WDPCP: variants seen among roughly 807,000 people sequenced by gnomAD.
WDPCP encodes the protein WD repeat-containing and planar cell polarity effector protein fritz homolog.
Under a neutral mutation model 93.1 loss-of-function variants are expected in WDPCP, and 71 were observed. The ratio of observed to expected loss-of-function variants is 0.76; its 90% confidence interval spans 0.63 to 0.93. The LOEUF (loss-of-function observed/expected upper bound fraction) is 0.93. WDPCP is among the 40% of genes least tolerant of loss of function. The probability of loss-of-function intolerance (pLI) is 0.00; values close to 1 mark genes in which losing one functional copy is unlikely to be tolerated. For synonymous variants in WDPCP, 315 were observed against 315.0 expected, an observed-to-expected ratio of 1.00 and a Z score of 0.00; for missense variants, 844 against 887.4, an observed-to-expected ratio of 0.95 and a Z score of 0.62.
At chr2:63,399,362 G>C (rs909138358) in intron 10 of WDPCP, among the ~76,000 whole-genome samples, 5 of 151,974 alleles carry the variant, frequency 3.3e-5, no homozygotes, top group Non-Finnish European at 7.4e-5. Context: ...TTACAAGCTG[G>C]CAATTAGCAG....
chr2:63,542,557 A>G (rs545673317), intron 1 of WDPCP, among the ~76,000 whole-genome samples: 16 of 152,386 alleles, frequency 1.0e-4, no homozygotes, highest in Admixed American at 9.8e-4. Flanking sequence ...TCCAACTATT[A>G]CAAAAATAGT....
intron 2 of WDPCP, among the ~76,000 whole-genome samples, chr2:63,760,714 G>A (rs1247132723): frequency 1.3e-5 from 2 of 152,150 alleles, no homozygotes; most frequent in Non-Finnish European, 2.9e-5. Context: ...GAAGGTCTAG[G>A]ACAAGAATCT....
chr2:63,329,889 G>A (rs1417282123), intron 12 of WDPCP, among the ~76,000 whole-genome samples: 1 of 152,010 alleles, frequency 6.6e-6, no homozygotes, highest in Non-Finnish European at 1.5e-5. Flanking sequence ...TGTCCTCTAG[G>A]TTCATTCACA....
chr2:63,545,178 G>A (rs1039725291), intron 1 of WDPCP, among the ~76,000 whole-genome samples: 2 of 152,056 alleles, frequency 1.3e-5, no homozygotes, highest in Non-Finnish European at 2.9e-5. Context: ...TCCCTGGCTG[G>A]TAAGTATACC....
chr2:63,472,459 C>G (rs1292113728), intron 6 of WDPCP, among the ~76,000 whole-genome samples: 1 of 151,764 alleles, frequency 6.6e-6, no homozygotes, highest in Admixed American at 6.6e-5. Context: ...ATTATCATGT[C>G]CCTTTGTCAT....
intron 2 of WDPCP, among the ~76,000 whole-genome samples, chr2:63,704,871 T>C (rs1216363820): frequency 1.3e-5 from 2 of 152,236 alleles, no homozygotes; most frequent in Non-Finnish European, 2.9e-5. Context: ...TCAGAAGGAA[T>C]GGTACCAGCT....
chr2:63,635,755 A>G (rs113752885), intron 3 of WDPCP, among the ~76,000 whole-genome samples: 1,998 of 152,342 alleles, frequency 0.013, 48 homozygotes, highest in African/African-American at 0.044. Context: ...TATCATTTCA[A>G]CGGTGAAAAT....
At chr2:63,318,421 T>C (rs1159184788) in intron 12 of WDPCP, among the ~76,000 whole-genome samples, 1 of 152,212 alleles carries the variant, frequency 6.6e-6, no homozygotes, top group Non-Finnish European at 1.5e-5. Flanking sequence ...ACTGAGTATA[T>C]ACCCAAAGGA....
chr2:63,563,563 G>A (rs914395366), intron 1 of WDPCP, among the ~76,000 whole-genome samples: 7 of 152,070 alleles, frequency 4.6e-5, no homozygotes, highest in African/African-American at 1.4e-4. Context: ...GAGAAATGGG[G>A]AATGACTACT....
intron 9 of WDPCP, among the ~76,000 whole-genome samples, chr2:63,429,480 TAAAC>T (rs1282229989): frequency 6.6e-6 from 1 of 151,936 alleles, no homozygotes; most frequent in Non-Finnish European, 1.5e-5. Flanking sequence ...ATAAGGAACA[TAAAC>T]AAATCAAGAA....
chr2:63,511,936 G>T (rs1246482584), intron 1 of WDPCP, among the ~76,000 whole-genome samples: 2 of 152,134 alleles, frequency 1.3e-5, no homozygotes, highest in African/African-American at 4.8e-5. Context: ...CATAGCAAAA[G>T]AAACTATCAT....
At chr2:63,225,342 A>G (rs1237023264) in intron 14 of WDPCP, among the ~76,000 whole-genome samples, 1 of 151,792 alleles carries the variant, frequency 6.6e-6, no homozygotes, top group African/African-American at 2.4e-5. Flanking sequence ...ATACAAATTA[A>G]GTAAAATGGT....
At chr2:63,205,233 T>C (rs1676249118) in intron 14 of WDPCP, among the ~76,000 whole-genome samples, 1 of 152,194 alleles carries the variant, frequency 6.6e-6, no homozygotes, top group Non-Finnish European at 1.5e-5. Context: ...CATGTTGTTT[T>C]GGTTACTATA....
chr2:63,302,716 T>C (rs1329359660), intron 13 of WDPCP, among the ~76,000 whole-genome samples: 1 of 152,240 alleles, frequency 6.6e-6, no homozygotes, highest in Non-Finnish European at 1.5e-5. Flanking sequence ...TGTCAAGCTG[T>C]AGACACTCTT....
chr2:63,791,531 C>G (rs1230895910), intron 2 of WDPCP, among the ~76,000 whole-genome samples: 1 of 152,124 alleles, frequency 6.6e-6, no homozygotes. Context: ...AACCCTAAAG[C>G]CATGGAAATG....
chr2:63,243,201 C>G (rs964490649), intron 14 of WDPCP, among the ~76,000 whole-genome samples: 2 of 152,054 alleles, frequency 1.3e-5, no homozygotes, highest in Non-Finnish European at 2.9e-5. Context: ...TATTGAATGG[C>G]CATCTCTATT....
chr2:63,594,259 A>G (rs754276628), intron 3 of WDPCP: 2 of 622,698 alleles, frequency 3.2e-6, no homozygotes, highest in Non-Finnish European at 6.1e-6. Flanking sequence ...GGTGGATAAG[A>G]TTATGTAAGT....
intron 3 of WDPCP, among the ~76,000 whole-genome samples, chr2:63,613,903 T>C (rs1389798129): frequency 6.6e-6 from 1 of 152,172 alleles, no homozygotes; most frequent in Non-Finnish European, 1.5e-5. Context: ...CCTAGGAATC[T>C]CATCAAATAA....
chr2:63,432,917 A>G (rs1696867106), intron 9 of WDPCP, among the ~76,000 whole-genome samples: 1 of 152,228 alleles, frequency 6.6e-6, no homozygotes, highest in Admixed American at 6.5e-5. Context: ...TATTCATCTT[A>G]TCTCGAATAC....
Sources: gnomAD v4.1 joint callset for allele counts (sites outside exome capture counted in the v4.1 genomes callset) on GRCh38, gnomAD v4.1.1 for gene constraint, MANE v1.5 for transcripts, NCBI Gene and HGNC (gene_info 2026-07-23, HGNC 2026-07-21) for gene names.